ASB1: variants seen among roughly 807,000 people sequenced by gnomAD.
ASB1 encodes ankyrin repeat and SOCS box protein 1.
A neutral mutation model predicts 27.7 loss-of-function variants in ASB1; 18 were observed. The observed-to-expected ratio is 0.65, with a 90% CI of 0.45 to 0.96. ASB1 has a LOEUF of 0.96. Ranked by LOEUF, ASB1 falls within the 50% of genes least tolerant of loss-of-function variation. The pLI is 0.00. For synonymous variants in ASB1, 189 were observed against 187.6 expected (o/e 1.01, Z -0.06); for missense variants, 397 against 451.7 (o/e 0.88, Z 1.10).
At position 238,427,038 on chromosome 2, in the gene ASB1, G is replaced by A. The variant is rs1187748785; in HGVS notation, c.-33G>A. On this transcript the variant is annotated 5_prime_UTR_variant, in exon 1 of 5. Coordinates refer to ENST00000264607, the MANE Select transcript of ASB1 (RefSeq NM_001040445.3). ...TGCTTCCTGCCCGAGGGGCGTGCGC[G>A]GGTCAGGGGCGGCCGCGGAGGCGGA... 3 of 1,244,408 alleles carry A rather than the reference G, an allele frequency of 2.4e-6. No homozygotes were observed. The highest frequency in any genetic ancestry group is 1.6e-5 in the African/African-American group (1 of 64,178). 77.1% of individuals were successfully genotyped at this position (1,244,408 alleles called of 1,614,324 possible). A position where few individuals can be genotyped will look rare whatever the true frequency, so the allele number is the denominator to read the frequency against.
At chr2:238,440,639 A>C (rs944897559) in intron 3 of ASB1, among the ~76,000 whole-genome samples, 1 of 152,182 alleles carries the variant, frequency 6.6e-6, no homozygotes, top group African/African-American at 2.4e-5. Flanking sequence ...GGGCCCCCTC[A>C]TTGACTGATC....
At position 238,451,325 on chromosome 2, in the gene ASB1, G is replaced by A. The variant is rs1702281026; in HGVS notation, c.*4814G>A. ...TTGCAGGCGAGTCTCTCTTTTTTATGTTGCTTTGATTTCAAGATCTCTTAG... is the reference window on the plus strand; with the variant it reads ...TTGCAGGCGAGTCTCTCTTTTTTATATTGCTTTGATTTCAAGATCTCTTAG... On this transcript the variant is annotated 3_prime_UTR_variant, in exon 5 of 5. Coordinates refer to ENST00000264607, the MANE Select transcript of ASB1 (RefSeq NM_001040445.3). The A allele has an allele frequency of 6.6e-6, 1 of 152,230 alleles. No individual in the cohort carries two copies. The highest frequency in any genetic ancestry group is 2.4e-5 in the African/African-American group (1 of 41,454). The allele number at this position is 152,230 out of a possible 1,614,324, so 9.4% of individuals were successfully genotyped here.
In ASB1 at chr2:238,436,114, C is replaced by T. The variant is rs549852974; in HGVS notation, c.494+101C>T. On this transcript the variant is annotated intron_variant, in intron 3 of 4. Coordinates refer to ENST00000264607, the MANE Select transcript of ASB1 (RefSeq NM_001040445.3). Reference sequence around the variant, plus strand: ...TTAGAATTCGGCTCTTTAGATGACTCGCCTGTTTTGCTGGCCTTTGTAAAG... The same window carrying T: ...TTAGAATTCGGCTCTTTAGATGACTTGCCTGTTTTGCTGGCCTTTGTAAAG... 6.6e-6 allele frequency: 8 copies of T among 1,208,876 alleles called. 1 individual carries two copies. Among genetic ancestry groups the T allele is most frequent in the Middle Eastern group, 2.8e-4 (1 of 3,634 alleles). 74.9% of individuals were successfully genotyped at this position (1,208,876 alleles called of 1,614,324 possible).
At position 238,444,547 on chromosome 2, in the gene ASB1, G is replaced by C. The variant is rs1702140455; in HGVS notation, c.700G>C (p.Gly234Arg). ...TGTCAACACACAGGGATTCTACAGG[G>C]GCTCCCCTGGGTGCGTCATGGATGC... Reference protein sequence around the residue: ...GPVNTQGFYRGSPGCVMDAVL... With the variant: ...GPVNTQGFYRRSPGCVMDAVL... Residue 234 changes from glycine (G) to arginine (R), a missense_variant, in exon 4 of 5, where the codon GGC (glycine) becomes CGC (arginine). Physicochemically the swap from Gly to Arg is moderately radical, Grantham distance 125 (BLOSUM62 -2). Transcript: ENST00000264607. 1 of 1,614,074 alleles carries C rather than the reference G, an allele frequency of 6.2e-7. No homozygotes were observed. The highest frequency in any genetic ancestry group is 1.1e-5 in the South Asian group (1 of 91,086).
chr2:238,438,220 G>A (rs1702009816), intron 3 of ASB1, among the ~76,000 whole-genome samples: 1 of 7,686 alleles, frequency 1.3e-4, no homozygotes, highest in African/African-American at 1.1e-3. Context: ...TTTTTTTTGA[G>A]ACGGAGTCTC....
rs1408859528 is a variant in ASB1 at position 238,449,144 on chromosome 2, T to TG, written c.*2636dup. On this transcript the variant is annotated 3_prime_UTR_variant, in exon 5 of 5. Coordinates refer to ENST00000264607, the MANE Select transcript of ASB1 (RefSeq NM_001040445.3). Reference sequence around the variant, plus strand: ...GCCAAATATGAATCTGAAAACAGGGTGGGTAGCTAAGGTCATTCCTCCTGG... The same window carrying TG: ...GCCAAATATGAATCTGAAAACAGGGTGGGGTAGCTAAGGTCATTCCTCCTGG... The TG allele has an allele frequency of 1.3e-5, 2 of 152,234 alleles. No individual in the cohort carries two copies. Among genetic ancestry groups the TG allele is most frequent in the Non-Finnish European group, 2.9e-5 (2 of 68,048 alleles). 9.4% of individuals were successfully genotyped at this position (152,234 alleles called of 1,614,324 possible).
At chr2:238,440,931 G>T (rs1207979885) in intron 3 of ASB1, among the ~76,000 whole-genome samples, 1 of 152,170 alleles carries the variant, frequency 6.6e-6, no homozygotes, top group Non-Finnish European at 1.5e-5. Context: ...ACATGCCCAC[G>T]TGGAGAGCTG....
chr2:238,430,890 A>C (rs2106402151), intron 1 of ASB1, among the ~76,000 whole-genome samples: 1 of 152,346 alleles, frequency 6.6e-6, no homozygotes, highest in African/African-American at 2.4e-5. Context: ...TTGGGCTGAA[A>C]ATATTCACTA....
At chr2:238,444,898 C>A (rs1414814466) in intron 4 of ASB1, among the ~76,000 whole-genome samples, 171 bp downstream of exon 4, 3 of 151,930 alleles carry the variant, frequency 2.0e-5, no homozygotes, top group Admixed American at 6.6e-5. Context: ...TTTTAAATTC[C>A]TGAATACCAA....
At chr2:238,435,555 G>C (rs1027603136) in intron 2 of ASB1, among the ~76,000 whole-genome samples, 156 bp from the exon 3 acceptor site, 24 of 152,336 alleles carry the variant, frequency 1.6e-4, no homozygotes, top group African/African-American at 5.8e-4. Flanking sequence ...GGTCCCGCAG[G>C]GGAAAGGTGT....
In ASB1 at chr2:238,427,082, C is replaced by T. The variant is rs777905978; in HGVS notation, c.12C>T (p.Gly4=). MAE[G]GSPDGRAGPG... is the part of the protein sequence containing the mutation. ...AGGCGGAAGCATCCATGGCGGAGGG[C>T]GGCAGCCCAGACGGGCGGGCAGGGC... Residue 4 remains glycine, a synonymous_variant, in exon 1 of 5, where the codon GGC becomes GGT. Transcript: ENST00000264607. The T allele has an allele frequency of 7.9e-7, 1 of 1,262,888 alleles. No homozygotes were observed. Among genetic ancestry groups the T allele is most frequent in the Non-Finnish European group, 9.9e-7 (1 of 1,005,230 alleles). The allele number at this position is 1,262,888 out of a possible 1,614,324, so 78.2% of individuals were successfully genotyped here.
chr2:238,430,226 C>T (rs747163480), intron 1 of ASB1, among the ~76,000 whole-genome samples: 59 of 152,160 alleles, frequency 3.9e-4, no homozygotes, highest in Non-Finnish European at 5.9e-4. Context: ...CCCACAGTAG[C>T]GCTTCTTTAA....
chr2:238,432,144 CT>C (rs1701882449), intron 1 of ASB1, among the ~76,000 whole-genome samples: 1 of 152,132 alleles, frequency 6.6e-6, no homozygotes, highest in African/African-American at 2.4e-5. Context: ...GTTTGATTTT[CT>C]TTTTTATTCT....
chr2:238,443,519 G>T (rs1233476125), intron 3 of ASB1, among the ~76,000 whole-genome samples: 1 of 152,070 alleles, frequency 6.6e-6, no homozygotes. Flanking sequence ...TTGCCTGATT[G>T]CACAGGGTAC....
chr2:238,435,588 C>T (rs1334634450), intron 2 of ASB1, 123 bp from the exon 3 acceptor site: 4 of 1,006,910 alleles, frequency 4.0e-6, no homozygotes, highest in African/African-American at 3.3e-5. Context: ...GAAGGCAGAG[C>T]CCAGGTGGAG....
chr2:238,429,444 T>G (rs1388143874), intron 1 of ASB1, among the ~76,000 whole-genome samples: 1 of 152,242 alleles, frequency 6.6e-6, no homozygotes, highest in Non-Finnish European at 1.5e-5. Flanking sequence ...GTACAAATGC[T>G]GTTTGTTGAA....
In ASB1 at chr2:238,446,598, G is replaced by C. The variant is rs966173807; in HGVS notation, c.*87G>C. ...GAGCCCTGAGTGCTGTGCTGCTGCT[G>C]GTCTCCTGATGGCTGTTGCTGCAGA... is the stretch of plus-strand genomic sequence containing the variant. On this transcript the variant is annotated 3_prime_UTR_variant, in exon 5 of 5. Coordinates refer to ENST00000264607, the MANE Select transcript of ASB1 (RefSeq NM_001040445.3). 1.4e-5 allele frequency: 21 copies of C among 1,533,784 alleles called. No homozygotes were observed. Among genetic ancestry groups the C allele is most frequent in the Non-Finnish European group, 1.8e-5 (20 of 1,119,896 alleles).
At chr2:238,443,371 T>G (rs896279243) in intron 3 of ASB1, among the ~76,000 whole-genome samples, 8 of 152,260 alleles carry the variant, frequency 5.3e-5, no homozygotes, top group African/African-American at 1.9e-4. Context: ...TTTGACAACC[T>G]GCTACTTCAA....
chr2:238,428,071 C>T (rs1460764260), intron 1 of ASB1, among the ~76,000 whole-genome samples: 1 of 152,192 alleles, frequency 6.6e-6, no homozygotes, highest in African/African-American at 2.4e-5. Context: ...GAGGATACTG[C>T]AGTGACCAGA....
Sources: gnomAD v4.1 joint callset for allele counts (sites outside exome capture counted in the v4.1 genomes callset) on GRCh38, gnomAD v4.1.1 for gene constraint, MANE v1.5 for transcripts, NCBI Gene and HGNC (gene_info 2026-07-23, HGNC 2026-07-21) for gene names.